Variants in NFYB observed in about 807,000 individuals in gnomAD.
The protein encoded by NFYB is nuclear transcription factor Y subunit beta, also known as CAAT box DNA-binding protein subunit B.
In NFYB, 13 loss-of-function variants were observed where a neutral mutation model predicts 28.0. That is an observed-to-expected ratio of 0.46 (90% CI 0.30 to 0.74). The LOEUF (loss-of-function observed/expected upper bound fraction) is 0.74. Among genes scored for constraint, NFYB ranks in the 30% least tolerant of loss-of-function variants. NFYB has a pLI of 0.07. For synonymous variants in NFYB, 74 were observed against 75.0 expected, an observed-to-expected ratio of 0.99 and a Z score of 0.07; for missense variants, 142 against 247.6, an observed-to-expected ratio of 0.57 and a Z score of 2.86.
At position 104,118,389 on chromosome 12, in the gene NFYB, G is replaced by T. The variant is rs2030341089; in HGVS notation, c.*1348C>A. 1 of 152,350 alleles carries T rather than the reference G, an allele frequency of 6.6e-6. No homozygotes were observed. Among genetic ancestry groups the T allele is most frequent in the South Asian group, 2.1e-4 (1 of 4,810 alleles). 9.4% of individuals were successfully genotyped at this position (152,350 alleles called of 1,614,324 possible). On this transcript the variant is annotated 3_prime_UTR_variant, in exon 8 of 8. Transcript: ENST00000240055. ...GATTAGCCCACATATACTCCTAAAGGCTCCTTCTGGCAAAGTAAATGTTTC... is the reference window on the plus strand; with the variant it reads ...GATTAGCCCACATATACTCCTAAAGTCTCCTTCTGGCAAAGTAAATGTTTC...
Position 104,123,305 on chromosome 12 carries a change from T to C in NFYB, c.350A>G (p.Asp117Gly). The C allele has an allele frequency of 6.2e-7, 1 of 1,614,070 alleles. No homozygotes were observed. Among genetic ancestry groups the C allele is most frequent in the Non-Finnish European group, 8.5e-7 (1 of 1,179,988 alleles). ...QEKRKTINGEDILFAMSTLGF... is the reference protein window; with the variant it reads ...QEKRKTINGEGILFAMSTLGF... Reference sequence around the variant, plus strand: ...TAAAGTAGACATAGCAAAGAGAATATCTTCTCCATTGATTGTTTTCCGTTT... The same window carrying C: ...TAAAGTAGACATAGCAAAGAGAATACCTTCTCCATTGATTGTTTTCCGTTT... The change falls in exon 5 of 8, where the codon GAT becomes GGT. Residue 117 changes from aspartate to glycine, a missense_variant. Transcript: ENST00000240055.
Position 104,120,489 on chromosome 12 carries a change from A to C in NFYB, c.512-10T>G. ...GCTGGTAACTGGTTAGCTAAAAGAA[A>C]AAAAATTAGTTAAAGAGGGAAATGA... On this transcript the variant is annotated splice_polypyrimidine_tract_variant and intron_variant, in intron 6 of 7. Coordinates refer to ENST00000240055, the MANE Select transcript of NFYB (RefSeq NM_006166.4). The C allele has an allele frequency of 6.2e-7, 1 of 1,603,996 alleles. No individual in the cohort carries two copies. Among genetic ancestry groups the C allele is most frequent in the South Asian group, 1.1e-5 (1 of 90,870 alleles).
chr12:104,120,713 C>A (rs2030439973), intron 6 of NFYB, among the ~76,000 whole-genome samples: 1 of 152,164 alleles, frequency 6.6e-6, no homozygotes, highest in South Asian at 2.1e-4. Context: ...CCTTAGCTAA[C>A]TGCCCATGTG....
intron 2 of NFYB, among the ~76,000 whole-genome samples, chr12:104,133,824 A>ATT (rs1565827879): frequency 1.3e-5 from 2 of 152,146 alleles, no homozygotes; most frequent in Non-Finnish European, 2.9e-5. Flanking sequence ...ACTCTTCCTT[A>ATT]AACATGCTTA....
chr12:104,126,507 C>G (rs550252559), intron 3 of NFYB, among the ~76,000 whole-genome samples: 8 of 152,302 alleles, frequency 5.3e-5, no homozygotes, highest in Admixed American at 3.3e-4. Context: ...CCAAAAATCT[C>G]AAATAACATC....
rs71069719 is a variant in NFYB at position 104,127,663 on chromosome 12, C to CTTTTT, written c.100+756_100+760dup. ...TTCTGATAGGCCAACATAACACTGCCTTTTTTTTTTTTTTTTTTTTTGGAG... is the reference window on the plus strand; with the variant it reads ...TTCTGATAGGCCAACATAACACTGCCTTTTTTTTTTTTTTTTTTTTTTTTTTGGAG... On this transcript the variant is annotated intron_variant, in intron 3 of 7. Coordinates refer to ENST00000240055, the MANE Select transcript of NFYB (RefSeq NM_006166.4). Among the ~76,000 whole-genome samples, 11 of 92,902 alleles carry CTTTTT rather than the reference C, an allele frequency of 1.2e-4. 1 individual carries two copies. The highest frequency in any genetic ancestry group is 4.1e-4 in the South Asian group (1 of 2,452). 60.9% of individuals were successfully genotyped at this position (92,902 alleles called of 152,430 possible). A position where few individuals can be genotyped will look rare whatever the true frequency, so the allele number is the denominator to read the frequency against.
intron 2 of NFYB, among the ~76,000 whole-genome samples, chr12:104,129,768 C>A (rs1263333442): frequency 6.6e-6 from 1 of 152,030 alleles, no homozygotes; most frequent in Non-Finnish European, 1.5e-5. Context: ...TGCCTGTAGT[C>A]CTAACTACTT....
chr12:104,125,849 C>CAAAAAAA (rs374433754), intron 4 of NFYB, among the ~76,000 whole-genome samples: 4 of 72,204 alleles, frequency 5.5e-5, no homozygotes, highest in Non-Finnish European at 7.5e-5. Context: ...ACTCTGTCCC[C>CAAAAAAA]AAAAAAAAAA....
chr12:104,121,358 A>C, intron 5 of NFYB, 37 bp from the exon 6 acceptor site: 1 of 1,549,792 alleles, frequency 6.5e-7, no homozygotes, highest in Admixed American at 1.8e-5. Context: ...TGATATTCAA[A>C]TGAAATTGTC....
At chr12:104,127,567 CA>C (rs1262201928) in intron 3 of NFYB, among the ~76,000 whole-genome samples, 2 of 116,154 alleles carry the variant, frequency 1.7e-5, no homozygotes, top group Non-Finnish European at 3.5e-5. Flanking sequence ...GACTCCATCT[CA>C]AAAAAAATAA....
intron 1 of NFYB, 27 bp downstream of exon 1, chr12:104,138,114 G>A (rs1347904882): frequency 6.7e-6 from 1 of 148,250 alleles, no homozygotes; most frequent in Non-Finnish European, 1.5e-5. Flanking sequence ...GTTTAGGAGC[G>A]ATCATTGGCC....
At chr12:104,126,051 ATGAAT>A in intron 4 of NFYB, 58 bp downstream of exon 4, 1 of 1,468,376 alleles carries the variant, frequency 6.8e-7, no homozygotes, top group Non-Finnish European at 9.1e-7. Flanking sequence ...CCCATGACCT[ATGAAT>A]TCATGTAGTT....
intron 5 of NFYB, among the ~76,000 whole-genome samples, chr12:104,121,800 AAAT>A (rs1565822841): frequency 6.6e-6 from 1 of 152,224 alleles, no homozygotes; most frequent in Non-Finnish European, 1.5e-5. Context: ...AGATCTGTAA[AAAT>A]AATGTCAGGA....
At chr12:104,132,139 G>A (rs1348815577) in intron 2 of NFYB, among the ~76,000 whole-genome samples, 1 of 152,204 alleles carries the variant, frequency 6.6e-6, no homozygotes, top group Non-Finnish European at 1.5e-5. Flanking sequence ...TTTGTTATGT[G>A]CTATGTGAGT....
At chr12:104,132,308 G>A (rs2030953586) in intron 2 of NFYB, among the ~76,000 whole-genome samples, 1 of 152,086 alleles carries the variant, frequency 6.6e-6, no homozygotes, top group South Asian at 2.1e-4. Flanking sequence ...ATACAGTACT[G>A]GTGGATTGGA....
At chr12:104,125,784 G>T (rs2030680807) in intron 4 of NFYB, among the ~76,000 whole-genome samples, 1 of 146,058 alleles carries the variant, frequency 6.8e-6, no homozygotes, top group South Asian at 2.2e-4. Flanking sequence ...GGAGGCGGAG[G>T]TTGCAGTGAG....
intron 2 of NFYB, chr12:104,131,495 T>G (rs1465376774): frequency 3.9e-6 from 1 of 258,734 alleles, no homozygotes; most frequent in Non-Finnish European, 7.8e-6. Flanking sequence ...TTATCCTTTC[T>G]GCAATTCAAA....
chr12:104,120,342 A>C, intron 7 of NFYB, 58 bp downstream of exon 7: 23 of 1,367,384 alleles, frequency 1.7e-5, no homozygotes, highest in Middle Eastern at 2.3e-4. Flanking sequence ...GGCATGAGCC[A>C]TGGGGCCCTG....
At chr12:104,134,013 C>G (rs2031016955) in intron 2 of NFYB, among the ~76,000 whole-genome samples, 1 of 152,168 alleles carries the variant, frequency 6.6e-6, no homozygotes, top group Non-Finnish European at 1.5e-5. Context: ...CTCTTAAAAG[C>G]TGCCAGTGAT....
Sources: allele counts gnomAD v4.1 joint callset (sites outside exome capture counted in the v4.1 genomes callset), GRCh38; gene constraint gnomAD v4.1.1; transcripts MANE v1.5; gene names NCBI Gene and HGNC (gene_info 2026-07-23, HGNC 2026-07-21).